ST3GAL3: variants seen among roughly 807,000 people sequenced by gnomAD.
The protein encoded by ST3GAL3 is CMP-N-acetylneuraminate-beta-1,4-galactoside alpha-2,3-sialyltransferase.
A neutral mutation model predicts 50.1 loss-of-function variants in ST3GAL3; 21 were observed. The ratio of observed to expected loss-of-function variants is 0.42; its 90% CI spans 0.30 to 0.60. ST3GAL3 has a LOEUF of 0.60. ST3GAL3 is among the 20% of genes least tolerant of loss of function. The pLI is 0.19. For synonymous variants in ST3GAL3, 183 were observed against 190.0 expected (o/e 0.96, Z 0.30); for missense variants, 353 against 489.4 (o/e 0.72, Z 2.63).
At chr1:43,859,848 G>C in intron 5 of ST3GAL3, among the ~76,000 whole-genome samples, 1 of 152,196 alleles carries the variant, frequency 6.6e-6, no homozygotes, top group East Asian at 1.9e-4. Flanking sequence ...GTTCTGGCCA[G>C]GTTAAGGGCT....
At chr1:43,907,496 A>G (rs1282037076) in intron 9 of ST3GAL3, among the ~76,000 whole-genome samples, 2 of 152,130 alleles carry the variant, frequency 1.3e-5, no homozygotes, top group Admixed American at 6.5e-5. Flanking sequence ...TACCCTCATC[A>G]TCTTCAATTC....
intron 11 of ST3GAL3, 59 bp downstream of exon 11, chr1:43,920,987 G>A (rs1045569224): frequency 6.0e-5 from 93 of 1,545,196 alleles, no homozygotes; most frequent in Non-Finnish European, 8.1e-5. Context: ...GTGCATAAAT[G>A]AGTAGTAAAG....
intron 2 of ST3GAL3, among the ~76,000 whole-genome samples, chr1:43,750,487 T>C (rs1401554839): frequency 2.0e-5 from 3 of 148,480 alleles, no homozygotes; most frequent in Non-Finnish European, 4.4e-5. Context: ...AGATTAGATA[T>C]TTAATTATAA....
At chr1:43,787,039 A>G (rs559585655) in intron 2 of ST3GAL3, among the ~76,000 whole-genome samples, 174 of 152,322 alleles carry the variant, frequency 1.1e-3, no homozygotes, top group Middle Eastern at 6.8e-3. Context: ...ATTCTTCTTC[A>G]TACTCCCTTT....
At chr1:43,852,555 A>G (rs918374076) in intron 5 of ST3GAL3, among the ~76,000 whole-genome samples, 1 of 152,248 alleles carries the variant, frequency 6.6e-6, no homozygotes, top group Admixed American at 6.5e-5. Context: ...AGCCTTTAGC[A>G]CACAGTAGAC....
At chr1:43,878,900 C>G (rs2074584820) in intron 5 of ST3GAL3, 2 of 393,720 alleles carry the variant, frequency 5.1e-6, no homozygotes, top group East Asian at 1.5e-4. Flanking sequence ...GGGGGCATGA[C>G]AGTGAACAGA....
At chr1:43,856,724 A>G (rs1468352523) in intron 5 of ST3GAL3, among the ~76,000 whole-genome samples, 2 of 151,934 alleles carry the variant, frequency 1.3e-5, no homozygotes, top group Non-Finnish European at 2.9e-5. Flanking sequence ...ATTTTTTTTC[A>G]TATATTCCTT....
At chr1:43,857,586 C>A (rs7417507) in intron 5 of ST3GAL3, among the ~76,000 whole-genome samples, 1 of 85,976 alleles carries the variant, frequency 1.2e-5, no homozygotes, top group Non-Finnish European at 2.1e-5. Context: ...CTTCCTCCCT[C>A]CCTTCCTTCC....
At chr1:43,848,338 T>C (rs1397214628) in intron 5 of ST3GAL3, among the ~76,000 whole-genome samples, 1 of 139,412 alleles carries the variant, frequency 7.2e-6, no homozygotes, top group Non-Finnish European at 1.5e-5. Context: ...GGAGTTTTGC[T>C]CTTGTTGCCC....
chr1:43,742,782 A>G (rs1681549394), intron 2 of ST3GAL3, among the ~76,000 whole-genome samples: 1 of 152,078 alleles, frequency 6.6e-6, no homozygotes, highest in Admixed American at 6.5e-5. Flanking sequence ...TGAAAAGTGT[A>G]GTAACTGAAA....
At chr1:43,922,540 C>T (rs760776277) in intron 11 of ST3GAL3, 1 of 152,008 alleles carries the variant, frequency 6.6e-6, no homozygotes, top group East Asian at 1.9e-4. Context: ...GTGGCTCACG[C>T]CTGTAATCCC....
intron 4 of ST3GAL3, among the ~76,000 whole-genome samples, chr1:43,832,758 C>A (rs1186996722): frequency 6.6e-6 from 1 of 152,154 alleles, no homozygotes; most frequent in East Asian, 1.9e-4. Flanking sequence ...ATTACTCAAG[C>A]TAGGCGAAGC....
At chr1:43,925,727 T>C (rs2083803847) in intron 11 of ST3GAL3, among the ~76,000 whole-genome samples, 1 of 152,168 alleles carries the variant, frequency 6.6e-6, no homozygotes, top group African/African-American at 2.4e-5. Context: ...GGACCAAGGA[T>C]TGAATGCCGG....
intron 4 of ST3GAL3, among the ~76,000 whole-genome samples, chr1:43,822,425 C>A (rs2062223646): frequency 6.6e-6 from 1 of 152,102 alleles, no homozygotes; most frequent in African/African-American, 2.4e-5. Flanking sequence ...GCCATGTGGG[C>A]AAGAGCATGG....
intron 3 of ST3GAL3, among the ~76,000 whole-genome samples, chr1:43,807,542 T>A (rs1222508686): frequency 6.6e-6 from 1 of 152,180 alleles, no homozygotes; most frequent in African/African-American, 2.4e-5. Flanking sequence ...TCCAACCAAA[T>A]GTTTTAAGCA....
At chr1:43,825,435 CTT>C (rs1460415665) in intron 4 of ST3GAL3, among the ~76,000 whole-genome samples, 2 of 152,176 alleles carry the variant, frequency 1.3e-5, no homozygotes, top group South Asian at 4.1e-4. Context: ...TCTTAATGGT[CTT>C]TTAAAATCTC....
chr1:43,777,560 A>G (rs1441600727), intron 2 of ST3GAL3, among the ~76,000 whole-genome samples: 1 of 152,222 alleles, frequency 6.6e-6, no homozygotes, highest in Non-Finnish European at 1.5e-5. Flanking sequence ...CCATATGCAG[A>G]AAATTGAAAC....
chr1:43,907,226 T>C (rs2079939724), intron 9 of ST3GAL3, among the ~76,000 whole-genome samples: 1 of 152,218 alleles, frequency 6.6e-6, no homozygotes, highest in Non-Finnish European at 1.5e-5. Context: ...CACCTCCCAT[T>C]TATTCATTGA....
At chr1:43,856,317 T>C (rs1438943702) in intron 5 of ST3GAL3, among the ~76,000 whole-genome samples, 1 of 152,214 alleles carries the variant, frequency 6.6e-6, no homozygotes, top group Admixed American at 6.5e-5. Context: ...CAAAAACCCT[T>C]TACGACAACC....
Sources: gnomAD v4.1 joint callset for allele counts (sites outside exome capture counted in the v4.1 genomes callset) on GRCh38, gnomAD v4.1.1 for gene constraint, MANE v1.5 for transcripts, NCBI Gene and HGNC (gene_info 2026-07-23, HGNC 2026-07-21) for gene names.